Variants in ATP10D observed in about 807,000 individuals in gnomAD.
ATP10D encodes the protein phospholipid-transporting ATPase VD.
A neutral mutation model predicts 144.8 loss-of-function variants in ATP10D; 89 were observed. The ratio of observed to expected loss-of-function variants is 0.61; its 90% CI spans 0.52 to 0.73. The LOEUF is 0.73. Ranked by LOEUF, ATP10D falls within the 30% of genes least tolerant of loss-of-function variation. ATP10D has a pLI of 0.00. For missense variants in ATP10D, 1,603 were observed against 1,714.8 expected, an observed-to-expected ratio of 0.93 and a Z score of 1.15; for synonymous variants, 571 against 615.1, an observed-to-expected ratio of 0.93 and a Z score of 1.06.
intron 10 of ATP10D, 52 bp downstream of exon 10, chr4:47,546,914 A>G: frequency 1.3e-6 from 2 of 1,516,250 alleles, no homozygotes; most frequent in Non-Finnish European, 1.8e-6. Flanking sequence ...GTATGATGAG[A>G]GAACAGCCTT....
chr4:47,496,823 TTTATC>T (rs1429288957), intron 1 of ATP10D, among the ~76,000 whole-genome samples: 2 of 151,984 alleles, frequency 1.3e-5, no homozygotes, highest in East Asian at 3.9e-4. Context: ...ATTTTTAATA[TTTATC>T]TTATAAGATA....
chr4:47,517,407 C>A (rs531169638), intron 3 of ATP10D, among the ~76,000 whole-genome samples: 2 of 152,276 alleles, frequency 1.3e-5, no homozygotes, highest in African/African-American at 2.4e-5. Context: ...AAGAGAGAGA[C>A]CCTGTCTCAA....
rs563683843 is a variant in ATP10D, at chr4:47,547,116, GC to G, written c.1635+256del. The G allele has an allele frequency of 3.1e-5, 15 of 482,308 alleles. No individual in the cohort carries two copies. In the East Asian group the frequency reaches 5.3e-4, roughly 17 times the overall value. The allele number at this position is 482,308 out of a possible 1,614,324, so 29.9% of individuals were successfully genotyped here. On this transcript the variant is annotated intron_variant, in intron 10 of 22. Coordinates refer to ENST00000273859, the MANE Select transcript of ATP10D (RefSeq NM_020453.4). ...AAAAAAAAAAAGGAGAATATTTCTG[GC>G]CAGGGCTGATTATGTGTGAGCCTGA...
chr4:47,551,457 C>T (rs970144257), intron 10 of ATP10D, among the ~76,000 whole-genome samples: 1 of 152,134 alleles, frequency 6.6e-6, no homozygotes, highest in Non-Finnish European at 1.5e-5. Context: ...TCTACTTGAG[C>T]CCAGTGGGAG....
chr4:47,571,251 T>C (rs1215691479), intron 16 of ATP10D, among the ~76,000 whole-genome samples: 1 of 149,142 alleles, frequency 6.7e-6, no homozygotes, highest in African/African-American at 2.4e-5. Context: ...ATAACATAAT[T>C]ATAACATAAT....
At position 47,569,119 on chromosome 4, in the gene ATP10D, C is replaced by A. The variant is rs937038620; in HGVS notation, c.3136C>A (p.His1046Asn). 6.2e-7 allele frequency: 1 copy of A among 1,613,580 alleles called. No homozygotes were observed. Among genetic ancestry groups the A allele is most frequent in the African/African-American group, 1.3e-5 (1 of 74,908 alleles). Reference sequence around the variant, plus strand: ...TGAAGTGGTGAAATTGGTCCGCAGCCATCTCCAGGTGATGACCCTTGCTAT... The same window carrying A: ...TGAAGTGGTGAAATTGGTCCGCAGCAATCTCCAGGTGATGACCCTTGCTAT... Reference protein sequence around the residue: ...KSEVVKLVRSHLQVMTLAIGD... With the variant: ...KSEVVKLVRSNLQVMTLAIGD... The change falls in exon 16 of 23, where the codon CAT (histidine) becomes AAT (asparagine). Residue 1046 changes from histidine to asparagine, a missense_variant. Coordinates refer to ENST00000273859, the MANE Select transcript of ATP10D (RefSeq NM_020453.4).
intron 9 of ATP10D, among the ~76,000 whole-genome samples, chr4:47,546,262 A>G (rs1482047604): frequency 3.3e-5 from 5 of 152,116 alleles, no homozygotes; most frequent in Admixed American, 6.6e-5. Context: ...GAAAGAGGGA[A>G]GAATTGTAAG....
intron 15 of ATP10D, among the ~76,000 whole-genome samples, chr4:47,565,665 G>A (rs185112677): frequency 1.3e-5 from 2 of 152,054 alleles, no homozygotes; most frequent in Admixed American, 1.3e-4. Context: ...GGTTCAGTAA[G>A]CATTAAAAAA....
chr4:47,589,914 A>C (rs1226612689), intron 22 of ATP10D, among the ~76,000 whole-genome samples: 1 of 152,146 alleles, frequency 6.6e-6, no homozygotes, highest in African/African-American at 2.4e-5. Context: ...ACAATCTTGC[A>C]TTCCTGAAAA....
At chr4:47,525,701 C>A in intron 5 of ATP10D, 59 bp downstream of exon 5, 1 of 1,367,276 alleles carries the variant, frequency 7.3e-7, no homozygotes, top group Non-Finnish European at 1.0e-6. Flanking sequence ...TGCAATCGTA[C>A]TTAATTTGAT....
intron 1 of ATP10D, among the ~76,000 whole-genome samples, chr4:47,487,380 T>G (rs976815796): frequency 2.0e-5 from 3 of 152,182 alleles, no homozygotes; most frequent in Admixed American, 2.0e-4. Flanking sequence ...CTTTTTAAAT[T>G]AAGGGTTAAA....
chr4:47,512,606 T>G lies in ATP10D; in HGVS notation c.66T>G (p.Asp22Glu). 3 of 1,613,952 alleles carry G rather than the reference T, an allele frequency of 1.9e-6. No individual in the cohort carries two copies. Among genetic ancestry groups the G allele is most frequent in the Non-Finnish European group, 2.5e-6 (3 of 1,179,862 alleles). ...GGCTGATCAGAGGTGCAACCAGGGA[T>G]GATGATTCAGGGCCATACAACTATT... Reference protein sequence around the residue: ...WRRLIRGATRDDDSGPYNYSS... With the variant: ...WRRLIRGATREDDSGPYNYSS... The change falls in exon 2 of 23, where the codon GAT (aspartate) becomes GAG (glutamate). Residue 22 changes from aspartate to glutamate, a missense_variant. Physicochemically the swap from Asp to Glu is conservative, Grantham distance 45. Coordinates refer to ENST00000273859, the MANE Select transcript of ATP10D (RefSeq NM_020453.4).
intron 18 of ATP10D, among the ~76,000 whole-genome samples, chr4:47,574,678 A>C (rs1720133447): frequency 6.6e-6 from 1 of 152,182 alleles, no homozygotes; most frequent in African/African-American, 2.4e-5. Context: ...CGAGGTCAAG[A>C]GATCAAGAAA....
chr4:47,490,947 A>G (rs1715038501), intron 1 of ATP10D: 5 of 511,524 alleles, frequency 9.8e-6, no homozygotes, highest in South Asian at 9.7e-5. Context: ...TTTTTCAGTC[A>G]GAAGTCTTTT....
chr4:47,495,988 C>T (rs764120194), intron 1 of ATP10D, among the ~76,000 whole-genome samples: 7 of 151,788 alleles, frequency 4.6e-5, no homozygotes, highest in Non-Finnish European at 7.4e-5. Flanking sequence ...CTGCCCACCT[C>T]GGCCTCCTAA....
chr4:47,516,048 G>C (rs1047146820), intron 3 of ATP10D, among the ~76,000 whole-genome samples: 1 of 152,084 alleles, frequency 6.6e-6, no homozygotes, highest in Non-Finnish European at 1.5e-5. Context: ...TGACCAACAT[G>C]ATGAAACCCT....
chr4:47,491,909 T>C (rs532802156), intron 1 of ATP10D, among the ~76,000 whole-genome samples: 15 of 152,328 alleles, frequency 9.8e-5, no homozygotes, highest in African/African-American at 3.4e-4. Flanking sequence ...TAATTTTATC[T>C]TTTTTATTGA....
chr4:47,553,077 A>G (rs941373300), intron 10 of ATP10D, among the ~76,000 whole-genome samples: 3 of 152,232 alleles, frequency 2.0e-5, no homozygotes, highest in Non-Finnish European at 2.9e-5. Context: ...ACTAGACAAG[A>G]GCATAATCAT....
At chr4:47,515,114 C>T (rs1716560501) in intron 2 of ATP10D, among the ~76,000 whole-genome samples, 1 of 152,076 alleles carries the variant, frequency 6.6e-6, no homozygotes, top group South Asian at 2.1e-4. Context: ...GCGTAGGCCA[C>T]TACACCCAGC....
Sources: gnomAD v4.1 joint callset for allele counts (sites outside exome capture counted in the v4.1 genomes callset) on GRCh38, gnomAD v4.1.1 for gene constraint, MANE v1.5 for transcripts, NCBI Gene and HGNC (gene_info 2026-07-23, HGNC 2026-07-21) for gene names.